Variants in UBAC2 observed in about 807,000 individuals in gnomAD.
UBAC2 encodes the protein UBA domain containing 2, also known as ubiquitin-associated domain-containing protein 2.
A neutral mutation model predicts 44.0 loss-of-function variants in UBAC2; 26 were observed. The observed-to-expected ratio is 0.59, with a 90% CI of 0.43 to 0.82. The LOEUF is 0.82. Ranked by LOEUF, UBAC2 falls within the 40% of genes least tolerant of loss-of-function variation. UBAC2 has a pLI of 0.00. For missense variants in UBAC2, 329 were observed against 419.4 expected, an observed-to-expected ratio of 0.78 and a Z score of 1.88; for synonymous variants, 155 against 154.3, an observed-to-expected ratio of 1.00 and a Z score of -0.04.
intron 8 of UBAC2, among the ~76,000 whole-genome samples, chr13:99,380,169 G>C (rs755103227): frequency 2.0e-5 from 3 of 152,178 alleles, no homozygotes; most frequent in Non-Finnish European, 4.4e-5. Flanking sequence ...TGCCATGTTG[G>C]TACTCAAAAA....
At chr13:99,384,630 C>T (rs1392517571) in intron 8 of UBAC2, among the ~76,000 whole-genome samples, 1 of 152,258 alleles carries the variant, frequency 6.6e-6, no homozygotes, top group African/African-American at 2.4e-5. Context: ...AGTGGCACAG[C>T]TGTCAAAGTA....
chr13:99,241,264 CAAAA>C (rs35336464), intron 2 of UBAC2, among the ~76,000 whole-genome samples: 229 of 114,818 alleles, frequency 2.0e-3, no homozygotes, highest in Non-Finnish European at 2.4e-3. Context: ...GACCCTGTCT[CAAAA>C]AAAAAAAAAA....
chr13:99,268,267 A>C (rs2043768890), intron 4 of UBAC2, among the ~76,000 whole-genome samples: 1 of 152,120 alleles, frequency 6.6e-6, no homozygotes, highest in African/African-American at 2.4e-5. Context: ...TAGCTCTAAC[A>C]CATTAGCTGC....
chr13:99,237,271 TACACACAC>T (rs57466771), intron 1 of UBAC2, among the ~76,000 whole-genome samples: 205 of 145,022 alleles, frequency 1.4e-3, no homozygotes, highest in African/African-American at 4.8e-3. Flanking sequence ...TATATATATA[TACACACAC>T]ACACACACAC....
chr13:99,242,451 G>C (rs866403098), intron 2 of UBAC2, among the ~76,000 whole-genome samples: 2 of 135,210 alleles, frequency 1.5e-5, no homozygotes, highest in African/African-American at 5.4e-5. Context: ...CTGGCCGGGC[G>C]GGGGGCTGAC....
chr13:99,201,022 C>A, intron 1 of UBAC2, 83 bp downstream of exon 1: 1 of 1,295,850 alleles, frequency 7.7e-7, no homozygotes, highest in South Asian at 2.9e-5. Context: ...CAGCGGGGAC[C>A]CTCGGGTTTG....
intron 1 of UBAC2, among the ~76,000 whole-genome samples, chr13:99,212,852 A>C (rs2142659438): frequency 6.6e-6 from 1 of 152,300 alleles, no homozygotes; most frequent in Admixed American, 6.5e-5. Context: ...AATTCACTCC[A>C]TGTCATTAAG....
chr13:99,242,592 G>GC (rs1401366596), intron 2 of UBAC2, among the ~76,000 whole-genome samples: 1 of 125,808 alleles, frequency 7.9e-6, no homozygotes, highest in African/African-American at 3.1e-5. Flanking sequence ...GGGCAGAGGC[G>GC]CCCCTCACCT....
intron 4 of UBAC2, among the ~76,000 whole-genome samples, chr13:99,281,961 A>C (rs1320017375): frequency 6.6e-6 from 1 of 152,220 alleles, no homozygotes; most frequent in Admixed American, 6.5e-5. Flanking sequence ...CCAGAAGTCT[A>C]CATGAAGCCA....
intron 4 of UBAC2, among the ~76,000 whole-genome samples, chr13:99,283,697 A>C (rs2043981678): frequency 7.0e-6 from 1 of 143,866 alleles, no homozygotes; most frequent in Admixed American, 6.9e-5. Flanking sequence ...ACATTTCCTT[A>C]ATGCCTTAAT....
At chr13:99,343,685 C>A (rs1314558896) in intron 7 of UBAC2, among the ~76,000 whole-genome samples, 1 of 152,190 alleles carries the variant, frequency 6.6e-6, no homozygotes, top group Admixed American at 6.5e-5. Context: ...AAGTTCTCTT[C>A]TAGGGTCCGC....
chr13:99,215,452 C>T lies in UBAC2; in HGVS notation c.31+14513C>T, dbSNP rs1037173268. The T allele has an allele frequency of 2.0e-5, 28 of 1,371,396 alleles. 1 individual carries two copies. The highest frequency in any genetic ancestry group is 2.8e-5 in the Non-Finnish European group (27 of 961,424). The allele number at this position is 1,371,396 out of a possible 1,614,324, so 85.0% of individuals were successfully genotyped here. ...ATGACACCACCACCAGCAATTGTAG[C>T]CTTGATGAGAATCCAATTCTTCATC... On this transcript the variant is annotated intron_variant, in intron 1 of 8. Coordinates refer to ENST00000403766, the MANE Select transcript of UBAC2 (RefSeq NM_001144072.2).
chr13:99,230,039 G>T (rs973351069), intron 1 of UBAC2, among the ~76,000 whole-genome samples: 3 of 152,140 alleles, frequency 2.0e-5, no homozygotes, highest in Non-Finnish European at 4.4e-5. Context: ...CTTTCAATGT[G>T]ACAAAATATC....
In UBAC2 at chr13:99,367,833, G is replaced by C; in HGVS notation, c.854G>C (p.Arg285Pro). The change falls in exon 8 of 9, where the codon CGA becomes CCA. Residue 285 changes from arginine (R) to proline (P), a missense_variant. Coordinates refer to ENST00000403766, the MANE Select transcript of UBAC2 (RefSeq NM_001144072.2). ...WNRLFPPLRQ[R>P]QNVNYQGGRQ... is the part of the protein sequence containing the mutation. ...CGTCTTTTTCCTCCTTTACGTCAGC[G>C]ACAAAACGTAAACTATCAGGGCGGT... 1 of 1,613,884 alleles carries C rather than the reference G, an allele frequency of 6.2e-7. No individual in the cohort carries two copies. The highest frequency in any genetic ancestry group is 8.5e-7 in the Non-Finnish European group (1 of 1,179,840).
chr13:99,238,358 T>C (rs2043263357), intron 1 of UBAC2, 69 bp from the exon 2 acceptor site: 1 of 1,551,286 alleles, frequency 6.4e-7, no homozygotes, highest in African/African-American at 1.4e-5. Context: ...ATTCTCTTGC[T>C]TTTCACGCAT....
chr13:99,306,554 C>G (rs550253568), intron 4 of UBAC2, among the ~76,000 whole-genome samples: 61 of 152,146 alleles, frequency 4.0e-4, no homozygotes, highest in African/African-American at 1.3e-3. Context: ...TATATAAAAC[C>G]CTCACTGCCC....
chr13:99,375,857 G>T (rs540909266), intron 8 of UBAC2, among the ~76,000 whole-genome samples: 8 of 131,214 alleles, frequency 6.1e-5, no homozygotes, highest in African/African-American at 2.4e-4. Context: ...AAGCTGGAGT[G>T]CAGTGGTGCT....
chr13:99,239,031 T>A (rs1438217977), intron 2 of UBAC2, among the ~76,000 whole-genome samples: 1 of 152,198 alleles, frequency 6.6e-6, no homozygotes, highest in Non-Finnish European at 1.5e-5. Flanking sequence ...GCAGAAGTGC[T>A]TTTCAAGGTT....
chr13:99,268,727 T>A (rs2043778634), intron 4 of UBAC2, among the ~76,000 whole-genome samples: 1 of 152,018 alleles, frequency 6.6e-6, no homozygotes, highest in Non-Finnish European at 1.5e-5. Context: ...ATGATAGAGT[T>A]GTTTGGCTTG....
Sources: gnomAD v4.1 joint callset for allele counts (sites outside exome capture counted in the v4.1 genomes callset) on GRCh38, gnomAD v4.1.1 for gene constraint, MANE v1.5 for transcripts, NCBI Gene and HGNC (gene_info 2026-07-23, HGNC 2026-07-21) for gene names.